The following ESR1 variants were observed in gnomAD, a reference collection of about 807,000 sequenced individuals.
The protein encoded by ESR1 is estrogen receptor 1, also known as estrogen receptor.
A neutral mutation model predicts 52.7 loss-of-function variants in ESR1; 12 were observed. The ratio of observed to expected loss-of-function variants is 0.23; its 90% CI spans 0.15 to 0.37. ESR1 has a LOEUF of 0.37. ESR1 is among the 10% of genes least tolerant of loss of function. ESR1 has a pLI of 1.00. For missense variants in ESR1, 584 were observed against 779.7 expected, an observed-to-expected ratio of 0.75 and a Z score of 2.99; for synonymous variants, 305 against 316.8, an observed-to-expected ratio of 0.96 and a Z score of 0.39.
intron 5 of ESR1, among the ~76,000 whole-genome samples, chr6:152,043,038 C>T (rs1389804005): frequency 6.6e-6 from 1 of 152,192 alleles, no homozygotes; most frequent in African/African-American, 2.4e-5. Context: ...GTGCTGCCCT[C>T]ACAAATCTAT....
intron 5 of ESR1, 29 bp downstream of exon 5, chr6:152,011,823 A>AG: frequency 6.2e-7 from 1 of 1,610,760 alleles, no homozygotes; most frequent in Non-Finnish European, 8.5e-7. Flanking sequence ...GCTTAGGAGT[A>AG]GCATGTTCTT....
intron 2 of ESR1, among the ~76,000 whole-genome samples, chr6:151,749,128 T>C (rs1783705587): frequency 6.9e-6 from 1 of 144,552 alleles, no homozygotes; most frequent in Admixed American, 7.2e-5. Context: ...TATTAGGCCA[T>C]AGGCTAAGCT....
At chr6:151,978,616 C>G (rs2039688123) in intron 4 of ESR1, among the ~76,000 whole-genome samples, 1 of 152,034 alleles carries the variant, frequency 6.6e-6, no homozygotes, top group African/African-American at 2.4e-5. Context: ...CTTGAAAATG[C>G]AGCCAGAGAG....
intron 1 of ESR1, among the ~76,000 whole-genome samples, chr6:151,668,431 C>T (rs748199350): frequency 2.6e-5 from 4 of 152,130 alleles, no homozygotes; most frequent in East Asian, 1.9e-4. Context: ...GGTGCCCGCC[C>T]GCCACCATGC....
intron 3 of ESR1, among the ~76,000 whole-genome samples, chr6:151,893,667 A>T (rs905610303): frequency 6.6e-6 from 1 of 152,068 alleles, no homozygotes; most frequent in African/African-American, 2.4e-5. Context: ...TTTTTCCTTC[A>T]CTAAGACTTC....
upstream of ESR1, among the ~76,000 whole-genome samples, chr6:151,687,398 A>G (rs1778732431): frequency 1.3e-5 from 2 of 152,348 alleles, no homozygotes; most frequent in African/African-American, 4.8e-5. Flanking sequence ...CCAGAAGCCC[A>G]GAGCTGTTTT....
Position 151,666,064 on chromosome 6 carries a change from C to G in ESR1, n.73+9301C>G, listed in dbSNP as rs1226149363. On this transcript the variant is annotated intron_variant and non_coding_transcript_variant, in intron 1 of 2. Transcript: ENST00000473497. ...AGAAGAAATTGGCTAATTTCAGTGT[C>G]TTTTCTTTGGGCTCTTCATAGAAAA... 2.0e-5 allele frequency among the ~76,000 whole-genome samples: 3 copies of G among 152,270 alleles called. No individual in the cohort carries two copies. The East Asian group carries it at 5.8e-4, about 29-fold the overall frequency.
chr6:152,031,902 G>A (rs939693270), intron 5 of ESR1, among the ~76,000 whole-genome samples: 13 of 152,194 alleles, frequency 8.5e-5, no homozygotes, highest in Admixed American at 4.6e-4. Context: ...TAAAATACTG[G>A]CAAACCGAAT....
chr6:151,990,637 A>G (rs540305712), intron 4 of ESR1, among the ~76,000 whole-genome samples: 2 of 151,570 alleles, frequency 1.3e-5, no homozygotes, highest in Non-Finnish European at 1.5e-5. Context: ...GGAGGCTGAG[A>G]AATGCAGCCT....
chr6:152,001,979 T>A (rs2041983755), intron 4 of ESR1, among the ~76,000 whole-genome samples: 1 of 152,050 alleles, frequency 6.6e-6, no homozygotes, highest in East Asian at 1.9e-4. Context: ...ATAGGGCTTT[T>A]CTCTGGCTTC....
At chr6:151,740,426 A>G (rs1351341311) in intron 2 of ESR1, among the ~76,000 whole-genome samples, 11 of 149,656 alleles carry the variant, frequency 7.4e-5, no homozygotes, top group Admixed American at 1.3e-4. Context: ...GTGAGCCACC[A>G]CACCTGGCCA....
intron 1 of ESR1, among the ~76,000 whole-genome samples, chr6:151,657,465 C>G (rs1374731590): frequency 1.3e-5 from 2 of 151,992 alleles, no homozygotes; most frequent in Non-Finnish European, 2.9e-5. Context: ...AAATGAGTCC[C>G]TTAGGGAGAA....
intron 5 of ESR1, among the ~76,000 whole-genome samples, chr6:152,045,783 A>G (rs2046185160): frequency 6.6e-6 from 1 of 152,212 alleles, no homozygotes; most frequent in Admixed American, 6.5e-5. Context: ...TGAAGAAAAG[A>G]ATAACAGTGT....
Position 151,961,791 on chromosome 6 carries a change from A to C in ESR1, c.1096+17283A>C, listed in dbSNP as rs1459943447. ...AGTCTTTTAGGAGAGAGGGAAAGTAAATGGAATGGGGAAGGAAAGTAAATA... is the reference window on the plus strand; with the variant it reads ...AGTCTTTTAGGAGAGAGGGAAAGTACATGGAATGGGGAAGGAAAGTAAATA... On this transcript the variant is annotated intron_variant, in intron 4 of 7. Transcript: ENST00000206249. Among the ~76,000 whole-genome samples, 18 of 152,110 alleles carry C rather than the reference A, an allele frequency of 1.2e-4. 1 individual carries two copies. Among genetic ancestry groups the C allele is most frequent in the Non-Finnish European group, 1.5e-5 (1 of 68,016 alleles).
intron 2 of ESR1, among the ~76,000 whole-genome samples, chr6:151,788,519 T>G (rs1390629941): frequency 6.6e-6 from 1 of 152,208 alleles, no homozygotes; most frequent in Admixed American, 6.5e-5. Flanking sequence ...GTAAATTAGT[T>G]CAATCATTGT....
At chr6:151,815,133 T>A (rs1220975810) in intron 1 of ESR1, among the ~76,000 whole-genome samples, 1 of 152,220 alleles carries the variant, frequency 6.6e-6, no homozygotes. Context: ...GAAACATAGT[T>A]GATTTTAAAG....
intron 4 of ESR1, among the ~76,000 whole-genome samples, chr6:151,956,833 A>AAAATAT (rs1307239450): frequency 8.5e-5 from 2 of 23,638 alleles, no homozygotes; most frequent in African/African-American, 4.2e-4. Flanking sequence ...AATATATATA[A>AAAATAT]ATATAAATAA....
In ESR1 at chr6:152,012,578, G is replaced by A. The variant is rs192058778; in HGVS notation, c.1235+784G>A. ...TCCTGCTACTTGCAAAAAGAGGAAA[G>A]CTCACTAAATGGTGGAGCCAGAGTT... On this transcript the variant is annotated intron_variant, in intron 5 of 7. Transcript: ENST00000206249. Among the ~76,000 whole-genome samples the A allele has an allele frequency of 3.9e-3, 596 of 152,226 alleles. 1 individual carries two copies. Among genetic ancestry groups the A allele is most frequent in the African/African-American group, 0.014 (562 of 41,540 alleles).
chr6:152,055,926 A>G (rs1468650792), intron 5 of ESR1, among the ~76,000 whole-genome samples: 1 of 152,186 alleles, frequency 6.6e-6, no homozygotes, highest in Non-Finnish European at 1.5e-5. Flanking sequence ...GCTGTATCAA[A>G]CAGCCATCAA....
Sources: gnomAD v4.1 joint callset for allele counts (sites outside exome capture counted in the v4.1 genomes callset) on GRCh38, gnomAD v4.1.1 for gene constraint, MANE v1.5 for transcripts, NCBI Gene and HGNC (gene_info 2026-07-23, HGNC 2026-07-21) for gene names.